DAGLA: variants seen among roughly 807,000 people sequenced by gnomAD.
DAGLA encodes diacylglycerol lipase alpha.
Under a neutral mutation model 102.6 loss-of-function variants are expected in DAGLA, and 22 were observed. The observed-to-expected ratio is 0.21, with a 90% CI of 0.15 to 0.31. The LOEUF is 0.31. Among genes scored for constraint, DAGLA ranks in the 10% least tolerant of loss-of-function variants. DAGLA has a pLI of 1.00. For synonymous variants in DAGLA, 578 were observed against 628.9 expected (o/e 0.92, Z 1.21); for missense variants, 927 against 1,446.6 (o/e 0.64, Z 5.83).
chr11:61,713,470 C>T (rs758695548), intron 1 of DAGLA, among the ~76,000 whole-genome samples: 8 of 152,222 alleles, frequency 5.3e-5, no homozygotes, highest in Non-Finnish European at 5.9e-5. Context: ...AGAACCGAAG[C>T]AGCCCAGTCC....
chr11:61,735,361 G>A (rs75785844), intron 10 of DAGLA, among the ~76,000 whole-genome samples, 200 bp from the exon 11 acceptor site: 9,799 of 152,216 alleles, frequency 0.064, 457 homozygotes, highest in Non-Finnish European at 0.088. Flanking sequence ...AGCAAGGAGC[G>A]GGGAGGGCAG....
At chr11:61,694,095 C>G (rs2065045347) in intron 1 of DAGLA, among the ~76,000 whole-genome samples, 1 of 152,246 alleles carries the variant, frequency 6.6e-6, no homozygotes. Context: ...AAGGATGGGG[C>G]AGAGGCCCAA....
intron 1 of DAGLA, among the ~76,000 whole-genome samples, chr11:61,701,570 G>C (rs895884897): frequency 1.6e-4 from 25 of 152,314 alleles, no homozygotes; most frequent in African/African-American, 5.5e-4. Flanking sequence ...TAAAGGGAAG[G>C]AGTATTGCTG....
In DAGLA at chr11:61,684,272, C is replaced by T. The variant is rs1041576540; in HGVS notation, c.-45+3768C>T. Among the ~76,000 whole-genome samples, 9 of 152,228 alleles carry T rather than the reference C, an allele frequency of 5.9e-5. No homozygotes were observed. Among genetic ancestry groups the T allele is most frequent in the African/African-American group, 1.2e-4 (5 of 41,456 alleles). On this transcript the variant is annotated intron_variant, in intron 1 of 19. Coordinates refer to ENST00000257215, the MANE Select transcript of DAGLA (RefSeq NM_006133.3). This position sits in a 1 kb window ranked among gnomAD's most constrained non-coding sequence, Gnocchi z 4.5. ...ACACTCCAGTGGACTGGGCAAGTAG[C>T]GCTGGGGGAAATATCAATGAGCATG... is the stretch of plus-strand genomic sequence containing the variant.
intron 2 of DAGLA, 44 bp from the exon 3 acceptor site, chr11:61,720,635 A>G: frequency 6.3e-7 from 1 of 1,593,614 alleles, no homozygotes; most frequent in South Asian, 1.1e-5. Context: ...ATCTCGAGGT[A>G]CAGGGGCCAC....
At chr11:61,721,091 A>G (rs1460003954) in intron 3 of DAGLA, among the ~76,000 whole-genome samples, 3 of 152,216 alleles carry the variant, frequency 2.0e-5, no homozygotes, top group African/African-American at 4.8e-5. Context: ...AGCCTGCTGT[A>G]TGTGTTATTA....
At chr11:61,731,988 A>G (rs1484935396) in intron 9 of DAGLA, among the ~76,000 whole-genome samples, 1 of 152,226 alleles carries the variant, frequency 6.6e-6, no homozygotes, top group Non-Finnish European at 1.5e-5. Context: ...CCTTCTTCAT[A>G]GGATCTAGGA....
chr11:61,680,669 C>T (rs1218194438), intron 1 of DAGLA, among the ~76,000 whole-genome samples, 165 bp downstream of exon 1: 1 of 151,324 alleles, frequency 6.6e-6, no homozygotes, highest in East Asian at 2.0e-4. Flanking sequence ...GTCTGTGGAG[C>T]CCCTGGCACC....
Position 61,744,177 on chromosome 11 carries a change from C to G in DAGLA, c.2817C>G (p.Pro939=). Residue 939 remains proline, a synonymous_variant, in exon 20 of 20, where the codon CCC becomes CCG. Transcript: ENST00000257215. ...SFQDLYCMVV[P]ESPTSDYAEG... ...AAGACCTCTACTGCATGGTGGTGCC[C>G]GAGAGCCCCACCAGTGACTACGCTG... 3.7e-6 allele frequency: 6 copies of G among 1,613,046 alleles called. No individual in the cohort carries two copies. The South Asian group carries it at 5.5e-5, about 15-fold the overall frequency.
At chr11:61,681,704 C>T (rs1188247543) in intron 1 of DAGLA, among the ~76,000 whole-genome samples, 3 of 152,058 alleles carry the variant, frequency 2.0e-5, no homozygotes, top group Admixed American at 6.5e-5. Context: ...CTGGGGCCAC[C>T]GGGACTCCCA....
chr11:61,680,890 G>T lies in DAGLA; in HGVS notation c.-45+386G>T, dbSNP rs1030837704. On this transcript the variant is annotated intron_variant, in intron 1 of 19. Transcript: ENST00000257215. ...TGGGATAGGTGGCCAGCTCGTGCCG[G>T]CATGGTGGTGCCGCTAGCATGGGTG... Among the ~76,000 whole-genome samples the T allele has an allele frequency of 1.1e-4, 17 of 152,302 alleles. No individual in the cohort carries two copies. In the East Asian group the frequency reaches 1.9e-3, roughly 17 times the overall value.
intron 1 of DAGLA, among the ~76,000 whole-genome samples, chr11:61,701,048 C>T (rs1331428477): frequency 2.0e-5 from 3 of 152,234 alleles, no homozygotes; most frequent in Admixed American, 1.3e-4. Flanking sequence ...CCCTTTTTCC[C>T]GGAACCGGGG....
intron 19 of DAGLA, 22 bp downstream of exon 19, chr11:61,741,371 C>T: frequency 6.3e-7 from 1 of 1,596,362 alleles, no homozygotes. Context: ...CCACTCCCAG[C>T]CCCACCCCAG....
intron 1 of DAGLA, among the ~76,000 whole-genome samples, chr11:61,690,939 C>A (rs1049888415): frequency 3.3e-5 from 5 of 152,242 alleles, no homozygotes; most frequent in African/African-American, 1.2e-4. Flanking sequence ...CCTTCACCGA[C>A]CCTGTACCTC....
intron 1 of DAGLA, among the ~76,000 whole-genome samples, chr11:61,699,234 C>T (rs1470446694): frequency 1.3e-5 from 2 of 152,216 alleles, no homozygotes; most frequent in African/African-American, 4.8e-5. Context: ...CCATCCTTCC[C>T]TCCTGGCTGG....
intron 6 of DAGLA, 41 bp from the exon 7 acceptor site, chr11:61,728,112 T>C: frequency 6.2e-7 from 1 of 1,611,800 alleles, no homozygotes; most frequent in South Asian, 1.1e-5. Context: ...TCCTCTCTCC[T>C]GCTCCCCTGC....
At chr11:61,741,097 C>T in intron 18 of DAGLA, 65 bp from the exon 19 acceptor site, 1 of 1,468,336 alleles carries the variant, frequency 6.8e-7, no homozygotes, top group South Asian at 1.3e-5. Flanking sequence ...CCTGGCTCCA[C>T]ATCGGCCCCA....
intron 1 of DAGLA, among the ~76,000 whole-genome samples, chr11:61,713,226 G>A (rs1301176112): frequency 1.2e-4 from 18 of 152,178 alleles, no homozygotes; most frequent in Admixed American, 1.1e-3. Context: ...CAGCTTTTGA[G>A]TTCAGAAACA....
At chr11:61,708,349 C>T (rs1278131770) in intron 1 of DAGLA, among the ~76,000 whole-genome samples, 2 of 151,382 alleles carry the variant, frequency 1.3e-5, no homozygotes, top group Non-Finnish European at 2.9e-5. Context: ...CCAATCTCCT[C>T]CTCTGAGCCA....
Sources: gnomAD v4.1 joint callset for allele counts (sites outside exome capture counted in the v4.1 genomes callset) on GRCh38, gnomAD v4.1.1 for gene constraint, Gnocchi (gnomAD v3.1) non-coding constraint, MANE v1.5 for transcripts, NCBI Gene and HGNC (gene_info 2026-07-23, HGNC 2026-07-21) for gene names.